JMJD1C: variants seen among roughly 807,000 people sequenced by gnomAD.
The protein encoded by JMJD1C is jumonji domain containing 1C.
JMJD1C carries 31 observed loss-of-function variants against 245.3 expected under a neutral mutation model. The observed-to-expected ratio is 0.13, with a 90% CI of 0.09 to 0.17. JMJD1C has a LOEUF of 0.17. JMJD1C is among the 10% of genes least tolerant of loss of function. JMJD1C has a pLI of 1.00. For synonymous variants in JMJD1C, 1,057 were observed against 1,017.4 expected (o/e 1.04, Z -0.74); for missense variants, 2,691 against 3,000.2 (o/e 0.90, Z 2.41).
rs35450282 is a variant in JMJD1C at position 63,385,416 on chromosome 10, CTTTTTTTTT to C, written c.169-4943_169-4935del. On this transcript the variant is annotated intron_variant, in intron 1 of 25. Transcript: ENST00000399262. ...AATCCCATGCCTTCCCTGCCCCCGC[CTTTTTTTTT>C]TTTTTTTTTTTTTTTTTTGCTTTTT... Among the ~76,000 whole-genome samples the C allele has an allele frequency of 4.1e-4, 22 of 53,788 alleles. No individual in the cohort carries two copies. The East Asian group carries it at 8.2e-3, about 20-fold the overall frequency. 35.3% of individuals were successfully genotyped at this position (53,788 alleles called of 152,430 possible). A position where few individuals can be genotyped will look rare whatever the true frequency, so the allele number is the denominator to read the frequency against.
At chr10:63,352,814 T>C (rs1043427458) in intron 2 of JMJD1C, among the ~76,000 whole-genome samples, 1 of 152,112 alleles carries the variant, frequency 6.6e-6, no homozygotes, top group Non-Finnish European at 1.5e-5. Context: ...ACAGTGTTCA[T>C]GGGATGTGAA....
intron 3 of JMJD1C, among the ~76,000 whole-genome samples, chr10:63,246,706 C>T (rs992389206): frequency 6.6e-6 from 1 of 151,884 alleles, no homozygotes; most frequent in African/African-American, 2.4e-5. Context: ...TGAAACAAGC[C>T]TCAACAAATT....
intron 2 of JMJD1C, among the ~76,000 whole-genome samples, chr10:63,272,629 C>T (rs1268370067): frequency 6.6e-6 from 1 of 152,168 alleles, no homozygotes; most frequent in Non-Finnish European, 1.5e-5. Flanking sequence ...CCTAATAATT[C>T]ATTCATAATT....
intron 1 of JMJD1C, among the ~76,000 whole-genome samples, chr10:63,456,339 A>G (rs1422455388): frequency 6.6e-6 from 1 of 152,166 alleles, no homozygotes; most frequent in Non-Finnish European, 1.5e-5. Context: ...ACATTGGAAT[A>G]GTTCATCAAC....
intron 1 of JMJD1C, among the ~76,000 whole-genome samples, chr10:63,517,008 TC>T (rs1955039059): frequency 1.3e-5 from 2 of 152,216 alleles, no homozygotes; most frequent in African/African-American, 4.8e-5. Context: ...ATGTCAGTCT[TC>T]TTAAGATCCT....
chr10:63,521,280 A>ACCG (rs1377640528), intron 1 of JMJD1C: 2 of 145,540 alleles, frequency 1.4e-5, no homozygotes, highest in African/African-American at 5.1e-5. Context: ...CGCCGCCGCC[A>ACCG]CCGCCTATCA....
Position 63,192,978 on chromosome 10 carries a change from T to C in JMJD1C, c.6036A>G (p.Leu2012=), listed in dbSNP as rs758349112. The C allele has an allele frequency of 6.2e-7, 1 of 1,614,156 alleles. No homozygotes were observed. The change falls in exon 16 of 26, where the codon TTA becomes TTG. Residue 2012 remains leucine (L), a synonymous_variant. Transcript: ENST00000399262. The part of the protein sequence containing the change: ...PPESQSPLHW[L]ADLAEQKARE... ...TGGCTTTTTGCTCTGCAAGATCTGC[T>C]AACCAGTGCAGTGGTGACTGGGATT...
At chr10:63,421,682 A>C (rs1950135583) in intron 1 of JMJD1C, among the ~76,000 whole-genome samples, 1 of 152,240 alleles carries the variant, frequency 6.6e-6, no homozygotes, top group African/African-American at 2.4e-5. Flanking sequence ...ATAATTAAGA[A>C]TAAATGAGAT....
intron 1 of JMJD1C, 53 bp from the exon 2 acceptor site, chr10:63,380,535 C>T: frequency 7.3e-7 from 1 of 1,374,702 alleles, no homozygotes; most frequent in Non-Finnish European, 1.0e-6. Flanking sequence ...AGTGGTATAT[C>T]TTTTTTTACT....
At chr10:63,225,786 A>T (rs1849198827) in intron 3 of JMJD1C, among the ~76,000 whole-genome samples, 1 of 152,036 alleles carries the variant, frequency 6.6e-6, no homozygotes, top group Non-Finnish European at 1.5e-5. Flanking sequence ...TCTCCAAAAA[A>T]AAAAAAAAAG....
chr10:63,284,767 A>T (rs1051803850), intron 2 of JMJD1C, among the ~76,000 whole-genome samples: 5 of 152,090 alleles, frequency 3.3e-5, no homozygotes, highest in Non-Finnish European at 7.3e-5. Flanking sequence ...TACAGTTCAG[A>T]GTTGTGAGTG....
intron 1 of JMJD1C, among the ~76,000 whole-genome samples, chr10:63,380,842 G>A (rs2134504417): frequency 6.6e-6 from 1 of 152,312 alleles, no homozygotes; most frequent in African/African-American, 2.4e-5. Context: ...AGTACCTCCA[G>A]TATGGAAAAC....
intron 20 of JMJD1C, among the ~76,000 whole-genome samples, 184 bp downstream of exon 20, chr10:63,185,379 G>A (rs148130280): frequency 2.0e-5 from 3 of 152,234 alleles, no homozygotes; most frequent in East Asian, 3.9e-4. Context: ...CGATCCCCTC[G>A]CCTTGGCCTC....
intron 1 of JMJD1C, among the ~76,000 whole-genome samples, chr10:63,511,778 C>T (rs910574544): frequency 5.3e-5 from 8 of 151,976 alleles, no homozygotes; most frequent in Admixed American, 3.9e-4. Context: ...GTAGCACCAA[C>T]GTTTTGTATA....
At chr10:63,324,821 C>T (rs1482717047) in intron 2 of JMJD1C, among the ~76,000 whole-genome samples, 2 of 152,162 alleles carry the variant, frequency 1.3e-5, no homozygotes, top group Admixed American at 1.3e-4. Flanking sequence ...GCATGTAAGT[C>T]TAATCAGAAA....
intron 2 of JMJD1C, among the ~76,000 whole-genome samples, chr10:63,305,726 A>C (rs1471952423): frequency 2.0e-5 from 3 of 148,490 alleles, no homozygotes; most frequent in African/African-American, 7.4e-5. Context: ...CTTGTATTCA[A>C]ACTGTATTGT....
At chr10:63,447,115 A>G (rs975246808) in intron 1 of JMJD1C, among the ~76,000 whole-genome samples, 1 of 151,866 alleles carries the variant, frequency 6.6e-6, no homozygotes, top group African/African-American at 2.4e-5. Context: ...ATAAAAATTC[A>G]TCTTCTCAAG....
At chr10:63,329,772 T>C (rs1160908146) in intron 2 of JMJD1C, among the ~76,000 whole-genome samples, 1 of 152,222 alleles carries the variant, frequency 6.6e-6, no homozygotes, top group African/African-American at 2.4e-5. Context: ...CAATGTGGGT[T>C]AGCAGCAGTA....
intron 2 of JMJD1C, among the ~76,000 whole-genome samples, chr10:63,315,602 G>A (rs973915234): frequency 2.6e-5 from 4 of 152,054 alleles, no homozygotes; most frequent in African/African-American, 9.7e-5. Context: ...ACTTTGGGAG[G>A]CCGAGGCAGC....
Sources: gnomAD v4.1 joint callset for allele counts (sites outside exome capture counted in the v4.1 genomes callset) on GRCh38, gnomAD v4.1.1 for gene constraint, MANE v1.5 for transcripts, NCBI Gene and HGNC (gene_info 2026-07-23, HGNC 2026-07-21) for gene names.